Variants in SEMA5B observed in about 807,000 individuals in gnomAD.
The protein encoded by SEMA5B is semaphorin-5B.
Under a neutral mutation model 135.0 loss-of-function variants are expected in SEMA5B, and 66 were observed. The ratio of observed to expected loss-of-function variants is 0.49; its 90% CI spans 0.40 to 0.60. The LOEUF is 0.60. Ranked by LOEUF, SEMA5B falls within the 20% of genes least tolerant of loss-of-function variation. The pLI, the probability that SEMA5B is intolerant of heterozygous loss-of-function variation, is 0.00. For missense variants in SEMA5B, 1,501 were observed against 1,566.3 expected (o/e 0.96, Z 0.70); for synonymous variants, 690 against 639.5 (o/e 1.08, Z -1.19).
At chr3:122,927,764 C>T in intron 8 of SEMA5B, 26 bp downstream of exon 8, 5 of 1,393,956 alleles carry the variant, frequency 3.6e-6, no homozygotes, top group Non-Finnish European at 4.7e-6. Context: ...GGGGAGTCCC[C>T]ACCCCTGGCA....
chr3:122,964,082 C>A (rs985651033), intron 1 of SEMA5B, among the ~76,000 whole-genome samples: 2 of 152,228 alleles, frequency 1.3e-5, no homozygotes, highest in Non-Finnish European at 2.9e-5. Context: ...CCAGGCATCA[C>A]TACTGCAGCC....
intron 1 of SEMA5B, among the ~76,000 whole-genome samples, chr3:122,966,568 T>TA (rs57336823): frequency 1.1e-4 from 16 of 145,540 alleles, no homozygotes; most frequent in African/African-American, 3.6e-4. Context: ...TTATTATTAT[T>TA]TTTTGAGACG....
intron 1 of SEMA5B, among the ~76,000 whole-genome samples, chr3:123,009,498 T>C (rs1942388695): frequency 1.3e-5 from 2 of 152,098 alleles, no homozygotes; most frequent in Non-Finnish European, 2.9e-5. Flanking sequence ...ATTTACTCCC[T>C]CCGTTCACAT....
chr3:122,988,608 A>G (rs1462184641), intron 1 of SEMA5B, among the ~76,000 whole-genome samples: 1 of 152,228 alleles, frequency 6.6e-6, no homozygotes, highest in Non-Finnish European at 1.5e-5. Flanking sequence ...CCTGGGGAGC[A>G]CAGATTAACA....
In SEMA5B at chr3:122,949,734, C is replaced by A. The variant is rs148324026; in HGVS notation, c.125-1025G>T. ...TGGTGTTCTAGGTATTTTTCAGACC[C>A]TGCATTCTGTTGGATCTGCTGATGC... On this transcript the variant is annotated intron_variant, in intron 2 of 22. Transcript: ENST00000357599. 5.8e-4 allele frequency among the ~76,000 whole-genome samples: 88 copies of A among 152,308 alleles called. 1 individual carries two copies. Among genetic ancestry groups the A allele is most frequent in the Admixed American group, 1.6e-3 (25 of 15,296 alleles).
intron 1 of SEMA5B, among the ~76,000 whole-genome samples, chr3:122,985,259 A>C (rs2107695665): frequency 6.6e-6 from 1 of 152,312 alleles, no homozygotes; most frequent in South Asian, 2.1e-4. Context: ...TTGAGAGGCC[A>C]AGGCAGGAGG....
At chr3:122,972,702 G>A (rs886365551) in intron 1 of SEMA5B, among the ~76,000 whole-genome samples, 6 of 152,190 alleles carry the variant, frequency 3.9e-5, no homozygotes, top group African/African-American at 7.2e-5. Context: ...GAAAGGTAGT[G>A]TCAGGAATCA....
chr3:123,013,328 G>T (rs373403788), intron 1 of SEMA5B, among the ~76,000 whole-genome samples: 1 of 152,112 alleles, frequency 6.6e-6, no homozygotes, highest in Non-Finnish European at 1.5e-5. Context: ...CACAACACCC[G>T]CCCGCTTCTG....
intron 12 of SEMA5B, among the ~76,000 whole-genome samples, chr3:122,917,890 A>G (rs896590617): frequency 6.6e-6 from 1 of 152,158 alleles, no homozygotes; most frequent in Admixed American, 6.5e-5. Flanking sequence ...ACATCGTGGG[A>G]CTACATGCAA....
intron 1 of SEMA5B, among the ~76,000 whole-genome samples, chr3:122,964,044 C>A (rs999685739): frequency 5.9e-5 from 9 of 152,210 alleles, no homozygotes; most frequent in African/African-American, 1.9e-4. Flanking sequence ...GACTCCAGAC[C>A]ACCAGGCCGC....
chr3:122,928,870 C>A lies in SEMA5B; in HGVS notation c.537+126G>T. On this transcript the variant is annotated intron_variant, in intron 6 of 22. Transcript: ENST00000357599. ...CTGTTATCCTCACCTGCCCAAGGAG[C>A]CCCAGCTCATCCTGGCCAGGCCTCT... The A allele has an allele frequency of 3.2e-6, 3 of 947,008 alleles. No individual in the cohort carries two copies. The South Asian group carries it at 4.7e-5, about 15-fold the overall frequency. 58.7% of individuals were successfully genotyped at this position (947,008 alleles called of 1,614,324 possible). A position where few individuals can be genotyped will look rare whatever the true frequency, so the allele number is the denominator to read the frequency against.
intron 1 of SEMA5B, among the ~76,000 whole-genome samples, chr3:122,979,520 C>A (rs1036510374): frequency 4.6e-5 from 7 of 152,190 alleles, no homozygotes; most frequent in Non-Finnish European, 1.0e-4. Flanking sequence ...CCTTCAGGGG[C>A]TCCCCTTCTC....
chr3:123,002,584 A>G (rs1942205816), intron 1 of SEMA5B, among the ~76,000 whole-genome samples: 1 of 152,224 alleles, frequency 6.6e-6, no homozygotes. Context: ...TTGTAACCTG[A>G]CAGCAAATTG....
chr3:122,966,317 C>T (rs1343541623), intron 1 of SEMA5B, among the ~76,000 whole-genome samples: 1 of 152,128 alleles, frequency 6.6e-6, no homozygotes, highest in African/African-American at 2.4e-5. Context: ...GAAGTTGATG[C>T]TTTGGAGGGT....
intron 1 of SEMA5B, among the ~76,000 whole-genome samples, chr3:122,964,744 T>C (rs553439291): frequency 1.3e-5 from 2 of 152,312 alleles, no homozygotes; most frequent in East Asian, 1.9e-4. Flanking sequence ...TGTTGAGTTC[T>C]TTAGCTTCAA....
intron 1 of SEMA5B, among the ~76,000 whole-genome samples, chr3:123,019,317 C>T (rs1039820318): frequency 1.7e-4 from 26 of 152,084 alleles, no homozygotes; most frequent in African/African-American, 3.6e-4. Flanking sequence ...ATATGTGGGC[C>T]GGGCACAGTA....
chr3:122,923,350 T>C (rs1938467000), intron 10 of SEMA5B, among the ~76,000 whole-genome samples: 1 of 152,174 alleles, frequency 6.6e-6, no homozygotes, highest in Non-Finnish European at 1.5e-5. Context: ...AGAGCTGAGG[T>C]CCCACTTCCC....
Position 122,915,617 on chromosome 3 carries a change from C to T in SEMA5B, c.1811G>A (p.Arg604Gln), listed in dbSNP as rs747465492. The T allele has an allele frequency of 2.0e-5, 32 of 1,611,198 alleles. No homozygotes were observed. Among genetic ancestry groups the T allele is most frequent in the South Asian group, 2.0e-4 (18 of 90,790 alleles). ...WTQNITACPV[R>Q]NVTRDGGFGP... ...GAAGCCCCCATCCCGTGTCACATTC[C>T]GCACCTGAAGACACACATGGGAGAC... The change falls in exon 14 of 23, where the codon CGG becomes CAG. Residue 604 changes from arginine to glutamine, a missense_variant. Physicochemically the swap from Arg to Gln is conservative, Grantham distance 43. Around this residue, in one of 2 missense-constraint regions of SEMA5B, gnomAD observed 927 missense variants for 881.6 expected, o/e 1.05. Transcript: ENST00000357599.
At position 122,915,402 on chromosome 3, in the gene SEMA5B, T is replaced by C; in HGVS notation, c.1988+38A>G. ...GTTTCCCTAGTTCTCCCCACCCTGGTCCAAGGCAGACACCATGTAAACCCT... is the reference window on the plus strand; with the variant it reads ...GTTTCCCTAGTTCTCCCCACCCTGGCCCAAGGCAGACACCATGTAAACCCT... On this transcript the variant is annotated intron_variant, in intron 14 of 22. Transcript: ENST00000357599. 3 of 1,564,268 alleles carry C rather than the reference T, an allele frequency of 1.9e-6. No individual in the cohort carries two copies. The South Asian group carries it at 3.6e-5, about 19-fold the overall frequency.
Sources: gnomAD v4.1 joint callset for allele counts (sites outside exome capture counted in the v4.1 genomes callset) on GRCh38, gnomAD v4.1.1 for gene constraint, gnomAD v4.1.1 regional missense constraint, MANE v1.5 for transcripts, NCBI Gene and HGNC (gene_info 2026-07-23, HGNC 2026-07-21) for gene names.